PHACTR1: variants seen among roughly 807,000 people sequenced by gnomAD.
PHACTR1 encodes the protein RPEL repeat containing 1.
In PHACTR1, 16 loss-of-function variants were observed where a neutral mutation model predicts 69.2. The ratio of observed to expected loss-of-function variants is 0.23; its 90% CI spans 0.16 to 0.35. The LOEUF (loss-of-function observed/expected upper bound fraction) is 0.35, where lower values mean the gene tolerates loss of function less well. Ranked by LOEUF, PHACTR1 falls within the 10% of genes least tolerant of loss-of-function variation. PHACTR1 has a pLI of 1.00. For synonymous variants in PHACTR1, 312 were observed against 284.5 expected, an observed-to-expected ratio of 1.10 and a Z score of -0.97; for missense variants, 510 against 734.7, an observed-to-expected ratio of 0.69 and a Z score of 3.54.
At chr6:13,081,069 A>G (rs1237402666) in intron 5 of PHACTR1, among the ~76,000 whole-genome samples, 3 of 152,210 alleles carry the variant, frequency 2.0e-5, no homozygotes, top group Non-Finnish European at 4.4e-5. Flanking sequence ...TCCAGAGTGC[A>G]GTATTTAAAA....
intron 3 of PHACTR1, among the ~76,000 whole-genome samples, chr6:12,720,020 G>A (rs184823388): frequency 1.9e-4 from 29 of 152,356 alleles, no homozygotes; most frequent in African/African-American, 6.0e-4. Flanking sequence ...ACTTCTGGGT[G>A]TATGGAGTCA....
intron 3 of PHACTR1, among the ~76,000 whole-genome samples, chr6:12,733,664 A>G (rs1763864240): frequency 6.6e-6 from 1 of 152,228 alleles, no homozygotes; most frequent in Non-Finnish European, 1.5e-5. Context: ...GGGCTCAAAT[A>G]GGATTAAAGC....
intron 4 of PHACTR1, among the ~76,000 whole-genome samples, chr6:12,809,528 A>G (rs932584585): frequency 2.0e-5 from 3 of 152,232 alleles, no homozygotes; most frequent in African/African-American, 7.2e-5. Flanking sequence ...TCTAGCAGAT[A>G]AAACAAAACA....
intron 4 of PHACTR1, among the ~76,000 whole-genome samples, chr6:12,771,059 GC>G (rs1769319441): frequency 6.6e-6 from 1 of 152,194 alleles, no homozygotes; most frequent in African/African-American, 2.4e-5. Context: ...ACAAGGCAGG[GC>G]CCCAGAGGCT....
intron 4 of PHACTR1, among the ~76,000 whole-genome samples, chr6:12,946,922 C>T (rs1258613515): frequency 6.7e-6 from 1 of 149,986 alleles, no homozygotes; most frequent in Non-Finnish European, 1.5e-5. Flanking sequence ...AAGCAATTCT[C>T]CTGCCTCAGC....
Position 13,195,415 on chromosome 6 carries a change from G to A in PHACTR1, c.665-10400G>A, listed in dbSNP as rs75460397. Among the ~76,000 whole-genome samples the A allele has an allele frequency of 8.3e-3, 1,258 of 152,210 alleles. 34 individuals are homozygous for A. Among genetic ancestry groups the A allele is most frequent in the East Asian group, 0.068 (352 of 5,178 alleles). On this transcript the variant is annotated intron_variant, in intron 7 of 14. Coordinates refer to ENST00000332995, the MANE Select transcript of PHACTR1 (RefSeq NM_030948.6). The stretch of plus-strand genomic sequence containing the variant: ...CTGTGCTCATTGACAAGTAACTGCC[G>A]ATACAGCAGCAGTTACAAATGGGCC...
chr6:12,969,342 T>C (rs1244817544), intron 4 of PHACTR1, among the ~76,000 whole-genome samples: 1 of 152,232 alleles, frequency 6.6e-6, no homozygotes, highest in Admixed American at 6.5e-5. Context: ...TCTGTGTTCC[T>C]GATAAAAGAA....
chr6:13,094,065 G>T, intron 5 of PHACTR1, among the ~76,000 whole-genome samples: 1 of 151,970 alleles, frequency 6.6e-6, no homozygotes, highest in Non-Finnish European at 1.5e-5. Flanking sequence ...TAGAGACAGG[G>T]TCTCAGTATG....
intron 3 of PHACTR1, among the ~76,000 whole-genome samples, chr6:12,722,483 T>G (rs1184489782): frequency 6.6e-6 from 1 of 152,238 alleles, no homozygotes; most frequent in Non-Finnish European, 1.5e-5. Flanking sequence ...AGATTTTTCT[T>G]GGAAAGTGGC....
chr6:13,040,384 T>TA (rs1803957652), intron 4 of PHACTR1, among the ~76,000 whole-genome samples: 1 of 152,162 alleles, frequency 6.6e-6, no homozygotes, highest in African/African-American at 2.4e-5. Flanking sequence ...TAGAGCTAAT[T>TA]TAGTTAAGAT....
intron 4 of PHACTR1, among the ~76,000 whole-genome samples, chr6:12,767,849 G>A (rs1768837773): frequency 6.6e-6 from 1 of 152,166 alleles, no homozygotes. Flanking sequence ...AAAAGACATT[G>A]ATAAATCTTG....
intron 4 of PHACTR1, among the ~76,000 whole-genome samples, chr6:13,021,638 C>T (rs1345865246): frequency 2.0e-5 from 3 of 152,174 alleles, no homozygotes; most frequent in African/African-American, 4.8e-5. Flanking sequence ...TACATCCCCC[C>T]AGCAATGAAT....
chr6:12,833,207 T>G (rs1777772885), intron 4 of PHACTR1, among the ~76,000 whole-genome samples: 1 of 152,014 alleles, frequency 6.6e-6, no homozygotes, highest in South Asian at 2.1e-4. Context: ...TGGGCACATC[T>G]AAGGAATCTT....
intron 10 of PHACTR1, among the ~76,000 whole-genome samples, chr6:13,271,408 G>A (rs1223402): frequency 0.18 from 27,758 of 152,080 alleles, 2,641 homozygotes; most frequent in South Asian, 0.33. Context: ...AGGATGTGTG[G>A]TGGTGACACG....
intron 4 of PHACTR1, among the ~76,000 whole-genome samples, chr6:12,834,355 C>A (rs1045072173): frequency 6.6e-6 from 1 of 152,116 alleles, no homozygotes; most frequent in Non-Finnish European, 1.5e-5. Context: ...AATGTCTCAA[C>A]CTTCTTCCCT....
At chr6:13,186,028 C>A (rs975794770) in intron 7 of PHACTR1, among the ~76,000 whole-genome samples, 13 of 152,286 alleles carry the variant, frequency 8.5e-5, no homozygotes, top group Middle Eastern at 3.4e-3. Flanking sequence ...ATACTGAGTT[C>A]TATAAGAGTC....
chr6:13,014,072 C>T (rs1799814663), intron 4 of PHACTR1, among the ~76,000 whole-genome samples: 1 of 152,176 alleles, frequency 6.6e-6, no homozygotes. Context: ...TTGTGATCCA[C>T]TGTCAACTAG....
rs530741132 is a variant in PHACTR1 at position 13,177,172 on chromosome 6, TAAAAAAAAAAA to T, written c.497-5326_497-5316del. On this transcript the variant is annotated intron_variant, in intron 6 of 14. Transcript: ENST00000332995. ...TGGCAAAATAGCAAGACCCCATCTC[TAAAAAAAAAAA>T]AAAAAAAAAAAAAAAAAAAATCCAG... Among the ~76,000 whole-genome samples, 402 of 63,378 alleles carry T rather than the reference TAAAAAAAAAAA, an allele frequency of 6.3e-3. 10 individuals carry two copies. Among genetic ancestry groups the T allele is most frequent in the African/African-American group, 0.039 (385 of 9,798 alleles). The allele number at this position is 63,378 out of a possible 152,430, so 41.6% of individuals were successfully genotyped here. A position where few individuals can be genotyped will look rare whatever the true frequency, so the allele number is the denominator to read the frequency against.
chr6:12,870,129 A>G (rs980440337), intron 4 of PHACTR1, among the ~76,000 whole-genome samples: 14 of 152,286 alleles, frequency 9.2e-5, no homozygotes, highest in African/African-American at 3.4e-4. Flanking sequence ...TGGAAAAAAA[A>G]AAAAAACTCC....
Sources: gnomAD v4.1 joint callset for allele counts (sites outside exome capture counted in the v4.1 genomes callset) on GRCh38, gnomAD v4.1.1 for gene constraint, MANE v1.5 for transcripts, NCBI Gene and HGNC (gene_info 2026-07-23, HGNC 2026-07-21) for gene names.